MDGA2: variants seen among roughly 807,000 people sequenced by gnomAD.
MDGA2 encodes the protein MAM domain containing glycosylphosphatidylinositol anchor 2.
MDGA2 carries 40 observed loss-of-function variants against 117.8 expected under a neutral mutation model. That is an observed-to-expected ratio of 0.34 (90% CI 0.26 to 0.44). The LOEUF (loss-of-function observed/expected upper bound fraction) is 0.44. Ranked by LOEUF, MDGA2 falls within the 20% of genes least tolerant of loss-of-function variation. The pLI is 1.00. For missense variants in MDGA2, 1,123 were observed against 1,250.6 expected (o/e 0.90, Z 1.54); for synonymous variants, 452 against 439.0 (o/e 1.03, Z -0.37).
intron 1 of MDGA2, among the ~76,000 whole-genome samples, chr14:47,474,345 T>A (rs532166675): frequency 8.6e-5 from 13 of 152,020 alleles, no homozygotes; most frequent in African/African-American, 2.9e-4. Flanking sequence ...CACAAGCAAA[T>A]GGAAAAACAT....
chr14:47,357,957 G>A lies in MDGA2; in HGVS notation c.281-56407C>T, dbSNP rs974982037. ...AATGAGGAGTAGAATGTCTCAGAGGGGGATTTGTAACCCATAGTCCCTGGG... is the reference window on the plus strand; with the variant it reads ...AATGAGGAGTAGAATGTCTCAGAGGAGGATTTGTAACCCATAGTCCCTGGG... On this transcript the variant is annotated intron_variant, in intron 1 of 16. Coordinates refer to ENST00000399232, the MANE Select transcript of MDGA2 (RefSeq NM_001113498.3). Among the ~76,000 whole-genome samples the A allele has an allele frequency of 2.6e-5, 4 of 152,100 alleles. No homozygotes were observed. In the East Asian group the frequency reaches 7.7e-4, roughly 29 times the overall value.
chr14:47,595,662 G>C (rs1896529658), intron 1 of MDGA2, among the ~76,000 whole-genome samples: 1 of 151,720 alleles, frequency 6.6e-6, no homozygotes, highest in Non-Finnish European at 1.5e-5. Flanking sequence ...AATGAAGTGA[G>C]AGGCATGAAT....
At chr14:47,498,324 C>T (rs1894325237) in intron 1 of MDGA2, among the ~76,000 whole-genome samples, 1 of 152,142 alleles carries the variant, frequency 6.6e-6, no homozygotes, top group African/African-American at 2.4e-5. Flanking sequence ...CTCTTATCAA[C>T]TCTAATTATA....
At chr14:46,989,115 G>A (rs536005981) in intron 8 of MDGA2, among the ~76,000 whole-genome samples, 1 of 152,074 alleles carries the variant, frequency 6.6e-6, no homozygotes, top group Non-Finnish European at 1.5e-5. Flanking sequence ...TTCTCTGCTT[G>A]GTTATCACTT....
chr14:47,402,539 A>C (rs17675559), intron 1 of MDGA2, among the ~76,000 whole-genome samples: 39,969 of 152,114 alleles, frequency 0.26, 5,588 homozygotes, highest in Middle Eastern at 0.41. Context: ...TTTCTAGCCT[A>C]CAAAGCATGT....
intron 2 of MDGA2, among the ~76,000 whole-genome samples, chr14:47,291,350 T>C (rs1444253490): frequency 6.6e-6 from 1 of 152,200 alleles, no homozygotes; most frequent in Non-Finnish European, 1.5e-5. Context: ...CCTTCCGTTA[T>C]GCACACATCT....
intron 1 of MDGA2, among the ~76,000 whole-genome samples, chr14:47,428,113 T>C (rs1421295050): frequency 6.6e-6 from 1 of 152,138 alleles, no homozygotes; most frequent in Non-Finnish European, 1.5e-5. Context: ...ATTAAAAATA[T>C]ATCATTATAT....
chr14:47,673,307 C>T (rs1229521210), intron 1 of MDGA2, among the ~76,000 whole-genome samples: 1 of 152,198 alleles, frequency 6.6e-6, no homozygotes, highest in Non-Finnish European at 1.5e-5. Context: ...GTTCCAGGGT[C>T]TGCAGGGAAA....
intron 1 of MDGA2, among the ~76,000 whole-genome samples, chr14:47,609,830 A>C (rs1896816036): frequency 6.6e-6 from 1 of 151,940 alleles, no homozygotes; most frequent in Non-Finnish European, 1.5e-5. Context: ...CTATTCCACA[A>C]GACAGAGACA....
chr14:47,491,216 G>T (rs1413396704), intron 1 of MDGA2, among the ~76,000 whole-genome samples: 1 of 152,042 alleles, frequency 6.6e-6, no homozygotes, highest in Non-Finnish European at 1.5e-5. Context: ...AAAGCAATGT[G>T]TGAGACCCTC....
chr14:47,121,771 G>A (rs1034907665), intron 5 of MDGA2, among the ~76,000 whole-genome samples: 1 of 152,058 alleles, frequency 6.6e-6, no homozygotes, highest in Admixed American at 6.6e-5. Flanking sequence ...CAGTGGCTAG[G>A]TATGCATCTT....
intron 6 of MDGA2, among the ~76,000 whole-genome samples, chr14:47,067,523 T>C (rs1237330603): frequency 1.3e-5 from 2 of 152,212 alleles, no homozygotes; most frequent in Admixed American, 6.5e-5. Flanking sequence ...TAATAAGTAA[T>C]GGTACATTGA....
In MDGA2 at chr14:47,661,746, CT is replaced by C. The variant is rs1172717995; in HGVS notation, c.280+12770del. On this transcript the variant is annotated intron_variant, in intron 1 of 16. Transcript: ENST00000399232. Reference sequence around the variant, plus strand: ...GCAAAAAACGAAGTAATCAGAGTTTCTTTTTTTTTTTTTTTTTTTTTTGAGA... The same window carrying C: ...GCAAAAAACGAAGTAATCAGAGTTTCTTTTTTTTTTTTTTTTTTTTTGAGA... Among the ~76,000 whole-genome samples, 737 of 97,174 alleles carry C rather than the reference CT, an allele frequency of 7.6e-3. 1 individual carries two copies. Among genetic ancestry groups the C allele is most frequent in the African/African-American group, 0.016 (391 of 25,146 alleles). 63.7% of individuals were successfully genotyped at this position (97,174 alleles called of 152,430 possible).
At position 47,671,703 on chromosome 14, in the gene MDGA2, G is replaced by A. The variant is rs369527583; in HGVS notation, c.280+2814C>T. Among the ~76,000 whole-genome samples, 256 of 152,262 alleles carry A rather than the reference G, an allele frequency of 1.7e-3. 2 individuals are homozygous for A. Among genetic ancestry groups the A allele is most frequent in the African/African-American group, 5.8e-3 (243 of 41,556 alleles). ...TAGCAAAGTTCCTGTCTAGGCTGTT[G>A]AAGTTTCTGTTTATAATAACCCTGC... On this transcript the variant is annotated intron_variant, in intron 1 of 16. Coordinates refer to ENST00000399232, the MANE Select transcript of MDGA2 (RefSeq NM_001113498.3).
chr14:47,612,678 A>C lies in MDGA2; in HGVS notation c.280+61839T>G, dbSNP rs1363935430. Among the ~76,000 whole-genome samples the C allele has an allele frequency of 2.6e-5, 4 of 152,222 alleles. No homozygotes were observed. The East Asian group carries it at 7.7e-4, about 29-fold the overall frequency. ...CTCCAAGCAATTTGCCGCTGTTGGT[A>C]CTCTTTAAAAGCTATCTATACTTTG... On this transcript the variant is annotated intron_variant, in intron 1 of 16. Coordinates refer to ENST00000399232, the MANE Select transcript of MDGA2 (RefSeq NM_001113498.3).
intron 10 of MDGA2, among the ~76,000 whole-genome samples, chr14:46,898,978 C>T (rs1883184515): frequency 6.6e-6 from 1 of 151,964 alleles, no homozygotes; most frequent in Non-Finnish European, 1.5e-5. Flanking sequence ...TCTGCCCCTC[C>T]CCAAACTCAA....
chr14:46,901,298 C>G (rs1413374684), intron 10 of MDGA2, among the ~76,000 whole-genome samples: 2 of 151,646 alleles, frequency 1.3e-5, no homozygotes, highest in East Asian at 3.9e-4. Flanking sequence ...CAAACCTGCA[C>G]GTTGTGCACA....
chr14:47,458,006 TA>T (rs1223973656), intron 1 of MDGA2, among the ~76,000 whole-genome samples: 3 of 92,386 alleles, frequency 3.2e-5, no homozygotes, highest in African/African-American at 9.4e-5. Flanking sequence ...GTCTTCCCCA[TA>T]TTTTTTTTTT....
intron 1 of MDGA2, among the ~76,000 whole-genome samples, chr14:47,628,570 A>T (rs1897194336): frequency 6.6e-6 from 1 of 152,254 alleles, no homozygotes; most frequent in Non-Finnish European, 1.5e-5. Flanking sequence ...TAAGTATTAG[A>T]TTAACAAATG....
Sources: allele counts gnomAD v4.1 joint callset (sites outside exome capture counted in the v4.1 genomes callset), GRCh38; gene constraint gnomAD v4.1.1; transcripts MANE v1.5; gene names NCBI Gene and HGNC (gene_info 2026-07-23, HGNC 2026-07-21).